CD207: variants seen among roughly 807,000 people sequenced by gnomAD.
CD207 encodes the protein C-type lectin domain family 4 member K.
CD207 carries 28 observed loss-of-function variants against 31.6 expected under a neutral mutation model. The observed-to-expected ratio is 0.89, with a 90% CI of 0.66 to 1.21. The LOEUF (loss-of-function observed/expected upper bound fraction) is 1.21. CD207 is among the 50% of genes most tolerant of loss of function. The pLI is 0.00. For synonymous variants in CD207, 168 were observed against 153.9 expected (o/e 1.09, Z -0.68); for missense variants, 388 against 397.8 (o/e 0.98, Z 0.21).
chr2:70,832,340 C>T (rs1452016029), intron 4 of CD207, among the ~76,000 whole-genome samples: 1 of 152,210 alleles, frequency 6.6e-6, no homozygotes, highest in Non-Finnish European at 1.5e-5. Flanking sequence ...TACGCCAGAG[C>T]CCAGGCTCTG....
In CD207 at chr2:70,835,745, T is replaced by C; in HGVS notation, c.32A>G (p.His11Arg). The C allele has an allele frequency of 6.2e-7, 1 of 1,613,068 alleles. No individual in the cohort carries two copies. Among genetic ancestry groups the C allele is most frequent in the Non-Finnish European group, 8.5e-7 (1 of 1,179,594 alleles). The change falls in exon 1 of 6, where the codon CAC becomes CGC. Residue 11 changes from histidine to arginine, a missense_variant. Transcript: ENST00000410009. ...GATGTTCTGTTTGTCCACAGTGAAG[T>C]GCGCATCAGGGGCCTCCTTCTCCAC... MTVEKEAPDA[H>R]FTVDKQNISL...
chr2:70,832,497 C>G (rs1007045030), intron 4 of CD207, among the ~76,000 whole-genome samples: 4 of 152,234 alleles, frequency 2.6e-5, no homozygotes, highest in Non-Finnish European at 4.4e-5. Flanking sequence ...TAGATCCTCT[C>G]TGCCCTGTTC....
In CD207 at chr2:70,833,980, A is replaced by G. The variant is rs781919872; in HGVS notation, c.231T>C (p.Asn77=). Reference sequence around the variant, plus strand: ...CCACACGACCTTTCAGCAACTGGACATTGGTCTTTACATCTGATATGGTGC... The same window carrying G: ...CCACACGACCTTTCAGCAACTGGACGTTGGTCTTTACATCTGATATGGTGC... ...FMGTISDVKT[N]VQLLKGRVDN... is the part of the protein sequence containing the mutation. Residue 77 remains asparagine, a synonymous_variant, in exon 3 of 6, where the codon AAT becomes AAC. Transcript: ENST00000410009. 5.9e-6 allele frequency: 9 copies of G among 1,530,980 alleles called. No homozygotes were observed. Among genetic ancestry groups the G allele is most frequent in the Non-Finnish European group, 7.9e-6 (9 of 1,140,660 alleles). 94.8% of individuals were successfully genotyped at this position (1,530,980 alleles called of 1,614,324 possible). A position where few individuals can be genotyped will look rare whatever the true frequency, so the allele number is the denominator to read the frequency against.
rs782121761 is a variant in CD207 at position 70,835,756 on chromosome 2, G to A, written c.21C>T (p.Ala7=). Residue 7 remains alanine (A), a synonymous_variant, in exon 1 of 6, where the codon GCC becomes GCT. Transcript: ENST00000410009. ...TGTCCACAGTGAAGTGCGCATCAGG[G>A]GCCTCCTTCTCCACAGTCATCCTGA... is the stretch of plus-strand genomic sequence containing the variant. MTVEKE[A]PDAHFTVDKQ... is the part of the protein sequence containing the mutation. The A allele has an allele frequency of 1.9e-6, 3 of 1,612,598 alleles. No homozygotes were observed. The highest frequency in any genetic ancestry group is 1.3e-5 in the African/African-American group (1 of 74,984).
chr2:70,826,934 G>C (rs1277421181), downstream of CD207, among the ~76,000 whole-genome samples: 1 of 152,150 alleles, frequency 6.6e-6, no homozygotes, highest in Non-Finnish European at 1.5e-5. Flanking sequence ...TCACTCATCT[G>C]CCTAAAACAC....
At chr2:70,833,078 G>T (rs150805721) in intron 3 of CD207, 27 bp from the exon 4 acceptor site, 1 of 1,612,602 alleles carries the variant, frequency 6.2e-7, no homozygotes, top group East Asian at 2.2e-5. Context: ...AAAAGTGAAC[G>T]CTGGTATTCT....
At position 70,833,842 on chromosome 2, in the gene CD207, G is replaced by A. The variant is rs1553400357; in HGVS notation, c.369C>T (p.Phe123=). The A allele has an allele frequency of 1.9e-6, 3 of 1,613,786 alleles. No homozygotes were observed. The African/African-American group carries it at 4.0e-5, about 22-fold the overall frequency. Reference sequence around the variant, plus strand: ...TCTCCACACTGGTTTTTAACTTCAGGAACTGAGAACGCACATAACCCAGGC... The same window carrying A: ...TCTCCACACTGGTTTTTAACTTCAGAAACTGAGAACGCACATAACCCAGGC... ...NESLGYVRSQ[F]LKLKTSVEKA... The change falls in exon 3 of 6, where the codon TTC becomes TTT. Residue 123 remains phenylalanine, a synonymous_variant. Coordinates refer to ENST00000410009, the MANE Select transcript of CD207 (RefSeq NM_015717.5).
chr2:70,832,225 A>C (rs1222868737), intron 4 of CD207, among the ~76,000 whole-genome samples: 1 of 152,186 alleles, frequency 6.6e-6, no homozygotes, highest in Non-Finnish European at 1.5e-5. Flanking sequence ...TGCCATCACC[A>C]TGCATGTTTC....
At chr2:70,834,134 C>T in intron 2 of CD207, 114 bp from the exon 3 acceptor site, 2 of 977,914 alleles carry the variant, frequency 2.0e-6, no homozygotes, top group Non-Finnish European at 2.8e-6. Context: ...CCCAAAGAAC[C>T]AAGACAGTCC....
Position 70,832,960 on chromosome 2 carries a change from G to T in CD207, c.657C>A (p.Ala219=), listed in dbSNP as rs781850322. 4 of 1,613,958 alleles carry T rather than the reference G, an allele frequency of 2.5e-6. No homozygotes were observed. Among genetic ancestry groups the T allele is most frequent in the Non-Finnish European group, 3.4e-6 (4 of 1,179,866 alleles). ...AATTCCTGGACACACAGAACTGCTC[G>T]GCACTATACCAGGTCTTTGGAATGA... is the stretch of plus-strand genomic sequence containing the variant. ...FSLIPKTWYS[A]EQFCVSRNSH... Residue 219 remains alanine, a synonymous_variant, in exon 4 of 6, where the codon GCC becomes GCA. Coordinates refer to ENST00000410009, the MANE Select transcript of CD207 (RefSeq NM_015717.5).
chr2:70,831,511 GC>G (rs1553399768), intron 5 of CD207, among the ~76,000 whole-genome samples, 189 bp downstream of exon 5: 1 of 152,222 alleles, frequency 6.6e-6, no homozygotes. Context: ...ACCCCAGAGG[GC>G]GTGGAGGGCT....
chr2:70,834,122 T>C (rs1351766076), intron 2 of CD207, 102 bp from the exon 3 acceptor site: 12 of 1,139,646 alleles, frequency 1.1e-5, no homozygotes, highest in Non-Finnish European at 1.3e-5. Context: ...AGGCTGAAGC[T>C]TCCCAAAGAA....
intron 4 of CD207, among the ~76,000 whole-genome samples, 158 bp downstream of exon 4, chr2:70,832,742 C>A (rs1553400040): frequency 6.6e-6 from 1 of 152,176 alleles, no homozygotes; most frequent in African/African-American, 2.4e-5. Flanking sequence ...AGCACAGCCC[C>A]CTTGCCGGCC....
intron 5 of CD207, 150 bp from the exon 6 acceptor site, chr2:70,831,350 T>G (rs547184004): frequency 3.8e-6 from 3 of 788,314 alleles, no homozygotes; most frequent in South Asian, 3.8e-5. Context: ...GGAAGGGGAC[T>G]GGTGAGACTT....
rs1677599792 is a variant in CD207, at chr2:70,835,696, T to C, written c.73+8A>G. 3 of 1,613,520 alleles carry C rather than the reference T, an allele frequency of 1.9e-6. No individual in the cohort carries two copies. Among genetic ancestry groups the C allele is most frequent in the Middle Eastern group, 1.7e-4 (1 of 6,060 alleles). ...ACGGAGCAGGTTCTCAGCAGCGATG[T>C]GGCTTGCCTCGGGGCCAGAGGGAGA... On this transcript the variant is annotated splice_region_variant and intron_variant, in intron 1 of 5. Coordinates refer to ENST00000410009, the MANE Select transcript of CD207 (RefSeq NM_015717.5).
rs576454054 is a variant in CD207 at position 70,832,203 on chromosome 2, C to T, written c.718-384G>A. On this transcript the variant is annotated intron_variant, in intron 4 of 5. Coordinates refer to ENST00000410009, the MANE Select transcript of CD207 (RefSeq NM_015717.5). The stretch of plus-strand genomic sequence containing the variant: ...TCGTCCATATGCATTCTCTCCTTTC[C>T]TCTGAGGCAGGTGCCATCACCATGC... 8.5e-5 allele frequency among the ~76,000 whole-genome samples: 13 copies of T among 152,344 alleles called. No homozygotes were observed. The South Asian group carries it at 2.1e-3, about 24-fold the overall frequency.
Position 70,830,836 on chromosome 2 carries a change from C to T in CD207, c.*214G>A. 1.9e-6 allele frequency: 1 copy of T among 517,464 alleles called. No individual in the cohort carries two copies. Among genetic ancestry groups the T allele is most frequent in the Non-Finnish European group, 3.4e-6 (1 of 291,374 alleles). The allele number at this position is 517,464 out of a possible 1,614,324, so 32.1% of individuals were successfully genotyped here. Reference sequence around the variant, plus strand: ...AAATCCTCTCTACCCACCCCTCCCACTTTAACCTGAATTCTCCTTTCCATT... The same window carrying T: ...AAATCCTCTCTACCCACCCCTCCCATTTTAACCTGAATTCTCCTTTCCATT... On this transcript the variant is annotated 3_prime_UTR_variant, in exon 6 of 6. Coordinates refer to ENST00000410009, the MANE Select transcript of CD207 (RefSeq NM_015717.5).
the CD207 span, among the ~76,000 whole-genome samples, chr2:70,825,131 C>T: frequency 2.0e-5 from 3 of 152,180 alleles, no homozygotes; most frequent in Non-Finnish European, 4.4e-5. Flanking sequence ...CCTCCTGAAA[C>T]TCAGTACCCC....
downstream of CD207, among the ~76,000 whole-genome samples, chr2:70,826,369 A>ATAATT (rs1233368642): frequency 8.8e-6 from 1 of 113,832 alleles, no homozygotes; most frequent in Non-Finnish European, 1.9e-5. Flanking sequence ...AAATAAATAA[A>ATAATT]TAATTAAATT....
Sources: gnomAD v4.1 joint callset for allele counts (sites outside exome capture counted in the v4.1 genomes callset) on GRCh38, gnomAD v4.1.1 for gene constraint, MANE v1.5 for transcripts, NCBI Gene and HGNC (gene_info 2026-07-23, HGNC 2026-07-21) for gene names.